The following ELP2 variants were observed in gnomAD, a reference collection of about 807,000 sequenced individuals.
ELP2 encodes elongator complex protein 2.
In ELP2, 90 loss-of-function variants were observed where a neutral mutation model predicts 119.2. The ratio of observed to expected loss-of-function variants is 0.75; its 90% CI spans 0.64 to 0.90. The LOEUF (loss-of-function observed/expected upper bound fraction) is 0.90. Ranked by LOEUF, ELP2 falls within the 40% of genes least tolerant of loss-of-function variation. ELP2 has a pLI of 0.00. For missense variants in ELP2, 921 were observed against 967.8 expected (o/e 0.95, Z 0.64); for synonymous variants, 339 against 331.0 (o/e 1.02, Z -0.26).
rs1051148810 is a variant in ELP2, at chr18:36,175,636, A to G, written c.*995A>G. ...TATGTCCCCCAGGGAGGATGCAGAA[A>G]GAAGAAAAGGGTACTGGAAACAGCA... On this transcript the variant is annotated 3_prime_UTR_variant, in exon 22 of 22. Transcript: ENST00000358232. 1 of 151,882 alleles carries G rather than the reference A, an allele frequency of 6.6e-6. No individual in the cohort carries two copies. The highest frequency in any genetic ancestry group is 2.4e-5 in the African/African-American group (1 of 41,062). The allele number at this position is 151,882 out of a possible 1,614,324, so 9.4% of individuals were successfully genotyped here. A position where few individuals can be genotyped will look rare whatever the true frequency, so the allele number is the denominator to read the frequency against.
chr18:36,167,015 TG>T, intron 18 of ELP2, 85 bp from the exon 19 acceptor site: 2 of 1,356,582 alleles, frequency 1.5e-6, no homozygotes, highest in Non-Finnish European at 2.0e-6. Context: ...AGTCATATGG[TG>T]TATATGGCAC....
chr18:36,135,691 T>C (rs2089798861), intron 2 of ELP2, among the ~76,000 whole-genome samples: 1 of 152,234 alleles, frequency 6.6e-6, no homozygotes, highest in Non-Finnish European at 1.5e-5. Flanking sequence ...TAGTAGCACC[T>C]GACTACAATG....
intron 1 of ELP2, among the ~76,000 whole-genome samples, chr18:36,131,962 G>C (rs1443186986): frequency 8.8e-6 from 1 of 113,020 alleles, no homozygotes; most frequent in Non-Finnish European, 1.7e-5. Context: ...TTGGAGTGTA[G>C]TGACAGTAAC....
chr18:36,159,938 A>T lies in ELP2; in HGVS notation c.1631-20A>T, dbSNP rs372988435. The T allele has an allele frequency of 5.0e-5, 80 of 1,613,684 alleles. No homozygotes were observed. Among genetic ancestry groups the T allele is most frequent in the Non-Finnish European group, 6.8e-5 (80 of 1,179,740 alleles). On this transcript the variant is annotated intron_variant, in intron 15 of 21. Coordinates refer to ENST00000358232, the MANE Select transcript of ELP2 (RefSeq NM_018255.4). Reference sequence around the variant, plus strand: ...AGAATTCACTTTTACATAGAAAAAAATAGCTTCAATTTATTCTAGAGCCTC... The same window carrying T: ...AGAATTCACTTTTACATAGAAAAAATTAGCTTCAATTTATTCTAGAGCCTC...
intron 15 of ELP2, 47 bp downstream of exon 15, chr18:36,159,877 A>G (rs1472112157): frequency 3.1e-6 from 5 of 1,601,542 alleles, no homozygotes; most frequent in Admixed American, 1.7e-5. Context: ...AACACACAGT[A>G]TGTTATCTAT....
intron 11 of ELP2, among the ~76,000 whole-genome samples, chr18:36,154,639 C>T (rs1226943499): frequency 6.6e-6 from 1 of 152,200 alleles, no homozygotes; most frequent in Non-Finnish European, 1.5e-5. Flanking sequence ...CCCACAGTTA[C>T]TGATTTAAAG....
In ELP2 at chr18:36,179,233, G is replaced by A. The variant is rs10163920; in HGVS notation, c.*4592G>A. 0.3 allele frequency: 44,962 copies of A among 149,202 alleles called. 7,282 individuals are homozygous for A. Among genetic ancestry groups the A allele is most frequent in the Middle Eastern group, 0.42 (121 of 290 alleles). 9.2% of individuals were successfully genotyped at this position (149,202 alleles called of 1,614,324 possible). A position where few individuals can be genotyped will look rare whatever the true frequency, so the allele number is the denominator to read the frequency against. Reference sequence around the variant, plus strand: ...TCCCAGCAATTTGGGAGGCTGAGGCGGGTGGATCACTTGAGGTCAGGAGTT... The same window carrying A: ...TCCCAGCAATTTGGGAGGCTGAGGCAGGTGGATCACTTGAGGTCAGGAGTT... On this transcript the variant is annotated 3_prime_UTR_variant, in exon 22 of 22. Transcript: ENST00000358232.
At chr18:36,135,791 G>C (rs1785935) in intron 2 of ELP2, among the ~76,000 whole-genome samples, 148,713 of 152,250 alleles carry the variant, frequency 0.98, 72,732 homozygotes, top group East Asian at 1. Flanking sequence ...TGCAGAACAA[G>C]TGCTGGGTAC....
rs2144871819 is a variant in ELP2, at chr18:36,179,250, T to A, written c.*4609T>A. 1 of 147,562 alleles carries A rather than the reference T, an allele frequency of 6.8e-6. No individual in the cohort carries two copies. 9.1% of individuals were successfully genotyped at this position (147,562 alleles called of 1,614,324 possible). The stretch of plus-strand genomic sequence containing the variant: ...GCTGAGGCGGGTGGATCACTTGAGG[T>A]CAGGAGTTCGAGACCAGCCTGGCCA... On this transcript the variant is annotated 3_prime_UTR_variant, in exon 22 of 22. Coordinates refer to ENST00000358232, the MANE Select transcript of ELP2 (RefSeq NM_018255.4).
chr18:36,174,653 A>C lies in ELP2; in HGVS notation c.*12A>C. The C allele has an allele frequency of 6.2e-7, 1 of 1,613,220 alleles. No individual in the cohort carries two copies. The highest frequency in any genetic ancestry group is 8.5e-7 in the Non-Finnish European group (1 of 1,179,240). On this transcript the variant is annotated 3_prime_UTR_variant, in exon 22 of 22. Transcript: ENST00000358232. ...AATGTGCACTGTAATGGACTTAATA[A>C]CTACATGCTTGCAGTCACTGGTATC...
chr18:36,143,884 A>C (rs2090119497), intron 8 of ELP2, among the ~76,000 whole-genome samples: 1 of 152,224 alleles, frequency 6.6e-6, no homozygotes, highest in Admixed American at 6.5e-5. Flanking sequence ...TAAAGGAATA[A>C]TGTGAATTAC....
chr18:36,163,649 T>A (rs1568018239), intron 17 of ELP2, among the ~76,000 whole-genome samples: 1 of 152,212 alleles, frequency 6.6e-6, no homozygotes, highest in Non-Finnish European at 1.5e-5. Flanking sequence ...GAGTATAGGT[T>A]AAAACTGATT....
Position 36,174,665 on chromosome 18 carries a change from C to G in ELP2, c.*24C>G. 6.2e-7 allele frequency: 1 copy of G among 1,607,836 alleles called. No homozygotes were observed. The highest frequency in any genetic ancestry group is 8.5e-7 in the Non-Finnish European group (1 of 1,174,762). On this transcript the variant is annotated 3_prime_UTR_variant, in exon 22 of 22. Transcript: ENST00000358232. Reference sequence around the variant, plus strand: ...AATGGACTTAATAACTACATGCTTGCAGTCACTGGTATCTTAAAATATTAT... The same window carrying G: ...AATGGACTTAATAACTACATGCTTGGAGTCACTGGTATCTTAAAATATTAT...
rs781757063 is a variant in ELP2, at chr18:36,138,787, T to A, written c.446-8T>A. On this transcript the variant is annotated splice_polypyrimidine_tract_variant and splice_region_variant and intron_variant, in intron 4 of 21. Coordinates refer to ENST00000358232, the MANE Select transcript of ELP2 (RefSeq NM_018255.4). ...TAGTTGTTCATTGTGTTTTTTATTA[T>A]TTCTTAGTAATGTGCCTTCAGACTT... The A allele has an allele frequency of 1.2e-6, 2 of 1,612,016 alleles. No homozygotes were observed.
chr18:36,148,721 G>T (rs1230165831), intron 11 of ELP2, among the ~76,000 whole-genome samples: 1 of 152,162 alleles, frequency 6.6e-6, no homozygotes, highest in African/African-American at 2.4e-5. Flanking sequence ...TTAGCCATGG[G>T]CTTGCAGCCC....
intron 1 of ELP2, 133 bp from the exon 2 acceptor site, chr18:36,133,105 A>G (rs2144560188): frequency 2.9e-6 from 2 of 693,820 alleles, no homozygotes; most frequent in East Asian, 5.5e-5. Context: ...TTATAGATTG[A>G]AGAAGGCAAA....
intron 5 of ELP2, among the ~76,000 whole-genome samples, chr18:36,139,200 G>A (rs1407862808): frequency 6.6e-6 from 1 of 152,112 alleles, no homozygotes; most frequent in Admixed American, 6.5e-5. Context: ...GAAGGTCTGG[G>A]GTAAGTTGAA....
chr18:36,142,435 A>T lies in ELP2; in HGVS notation c.655+88A>T, dbSNP rs565631050. The T allele has an allele frequency of 9.7e-6, 11 of 1,132,580 alleles. No homozygotes were observed. The South Asian group carries it at 1.0e-4, about 10-fold the overall frequency. 70.2% of individuals were successfully genotyped at this position (1,132,580 alleles called of 1,614,324 possible). ...GCAGCCTTTTTTGTTTTAATTTTTA[A>T]GTTTTCTTTGTATGTTATGTTTTTC... On this transcript the variant is annotated intron_variant, in intron 7 of 21. Coordinates refer to ENST00000358232, the MANE Select transcript of ELP2 (RefSeq NM_018255.4).
intron 18 of ELP2, chr18:36,165,189 G>C (rs1409385122): frequency 1.3e-5 from 2 of 155,078 alleles, no homozygotes; most frequent in Non-Finnish European, 2.8e-5. Context: ...ATTGAGAAGG[G>C]CATATTAGGC....
Sources: allele counts gnomAD v4.1 joint callset (sites outside exome capture counted in the v4.1 genomes callset), GRCh38; gene constraint gnomAD v4.1.1; transcripts MANE v1.5; gene names NCBI Gene and HGNC (gene_info 2026-07-23, HGNC 2026-07-21).